The following UNC13C variants were observed in gnomAD, a reference collection of about 807,000 sequenced individuals.
UNC13C encodes the protein unc-13 homolog C, also known as protein unc-13 homolog C.
UNC13C carries 174 observed loss-of-function variants against 245.4 expected under a neutral mutation model. The observed-to-expected ratio is 0.71, with a 90% CI of 0.63 to 0.80. The LOEUF (loss-of-function observed/expected upper bound fraction) is 0.80. Among genes scored for constraint, UNC13C ranks in the 30% least tolerant of loss-of-function variants. UNC13C has a pLI of 0.00. For missense variants in UNC13C, 2,829 were observed against 2,602.9 expected (o/e 1.09, Z -1.89); for synonymous variants, 992 against 895.1 (o/e 1.11, Z -1.93).
intron 27 of UNC13C, among the ~76,000 whole-genome samples, chr15:54,548,771 A>G (rs12916626): frequency 0.33 from 50,663 of 151,970 alleles, 9,397 homozygotes; most frequent in East Asian, 0.52. Flanking sequence ...ATCACCTAAA[A>G]TTTCTCTAGC....
At chr15:54,421,206 G>A (rs1160670962) in intron 19 of UNC13C, among the ~76,000 whole-genome samples, 1 of 151,704 alleles carries the variant, frequency 6.6e-6, no homozygotes, top group Non-Finnish European at 1.5e-5. Flanking sequence ...GGTGATTCTA[G>A]TATGTATTCA....
chr15:54,444,401 G>T (rs1264805921), intron 19 of UNC13C, among the ~76,000 whole-genome samples: 3 of 150,850 alleles, frequency 2.0e-5, no homozygotes, highest in Non-Finnish European at 3.0e-5. Flanking sequence ...CCTTTACTTT[G>T]AGTCTATATA....
At chr15:53,892,071 G>A in the UNC13C span, among the ~76,000 whole-genome samples, 1 of 152,128 alleles carries the variant, frequency 6.6e-6, no homozygotes, top group African/African-American at 2.4e-5. Flanking sequence ...CCACCACCAG[G>A]TGGTGACAAA....
At chr15:54,097,757 G>A (rs2141148481) in intron 2 of UNC13C, among the ~76,000 whole-genome samples, 1 of 152,294 alleles carries the variant, frequency 6.6e-6, no homozygotes, top group African/African-American at 2.4e-5. Flanking sequence ...GGTTAACTGT[G>A]TGTAGTTATG....
At chr15:54,578,675 A>G (rs868650307) in intron 30 of UNC13C, among the ~76,000 whole-genome samples, 7 of 152,222 alleles carry the variant, frequency 4.6e-5, no homozygotes, top group Non-Finnish European at 8.8e-5. Flanking sequence ...TCGTCACTTG[A>G]GTCTCAGAAC....
chr15:54,462,618 C>T (rs1016735932), intron 19 of UNC13C, among the ~76,000 whole-genome samples: 4 of 152,336 alleles, frequency 2.6e-5, no homozygotes, highest in South Asian at 2.1e-4. Context: ...GCGGAGGGGG[C>T]GCCGGGTCCC....
chr15:53,969,266 C>T, the UNC13C span, among the ~76,000 whole-genome samples: 1 of 152,198 alleles, frequency 6.6e-6, no homozygotes, highest in Non-Finnish European at 1.5e-5. Flanking sequence ...AAAGATGAAA[C>T]ACCACAGGGC....
At chr15:53,850,978 C>T in the UNC13C span, among the ~76,000 whole-genome samples, 8 of 149,984 alleles carry the variant, frequency 5.3e-5, no homozygotes, top group African/African-American at 1.7e-4. Context: ...TAATTTTATT[C>T]TGTGATGTTT....
chr15:54,098,470 C>T (rs1897010), intron 2 of UNC13C, among the ~76,000 whole-genome samples: 35,217 of 152,094 alleles, frequency 0.23, 4,427 homozygotes, highest in African/African-American at 0.33. Flanking sequence ...CTACCCTATC[C>T]GGCCCCTCCA....
At chr15:54,573,201 C>T (rs1897830624) in intron 30 of UNC13C, among the ~76,000 whole-genome samples, 1 of 152,102 alleles carries the variant, frequency 6.6e-6, no homozygotes. Context: ...TCCTTCTTCA[C>T]CTCTTTCTTG....
intron 2 of UNC13C, among the ~76,000 whole-genome samples, chr15:54,112,529 A>G (rs1409237740): frequency 6.6e-6 from 1 of 152,142 alleles, no homozygotes; most frequent in African/African-American, 2.4e-5. Context: ...TACTGTACAC[A>G]TGGTTGATAA....
At chr15:54,471,808 A>G (rs987631770) in intron 19 of UNC13C, among the ~76,000 whole-genome samples, 1 of 151,620 alleles carries the variant, frequency 6.6e-6, no homozygotes, top group Non-Finnish European at 1.5e-5. Context: ...TTGATTTTCT[A>G]TTTGGATTAT....
upstream of UNC13C, among the ~76,000 whole-genome samples, chr15:53,975,838 ATCT>A: frequency 6.6e-6 from 1 of 152,328 alleles, no homozygotes; most frequent in South Asian, 2.1e-4. Context: ...AGGAGAAATG[ATCT>A]TATTATTTAA....
At chr15:54,248,107 T>G (rs1294795017) in intron 7 of UNC13C, among the ~76,000 whole-genome samples, 1 of 152,212 alleles carries the variant, frequency 6.6e-6, no homozygotes, top group African/African-American at 2.4e-5. Flanking sequence ...CTCTACTTTC[T>G]AAATTTATGT....
intron 1 of UNC13C, among the ~76,000 whole-genome samples, chr15:54,008,927 G>A (rs535908965): frequency 1.4e-4 from 22 of 152,234 alleles, no homozygotes; most frequent in Non-Finnish European, 3.1e-4. Context: ...GCATAATAAT[G>A]CCTTTTTTAA....
intron 10 of UNC13C, among the ~76,000 whole-genome samples, chr15:54,277,934 G>T (rs2036876054): frequency 6.6e-6 from 1 of 152,126 alleles, no homozygotes; most frequent in Non-Finnish European, 1.5e-5. Flanking sequence ...GATTTTGGAG[G>T]CTACTCTACA....
At chr15:54,530,224 C>T (rs1181494435) in intron 25 of UNC13C, among the ~76,000 whole-genome samples, 2 of 152,090 alleles carry the variant, frequency 1.3e-5, no homozygotes, top group African/African-American at 4.8e-5. Flanking sequence ...TATACATATC[C>T]ATTATAAAAT....
intron 19 of UNC13C, among the ~76,000 whole-genome samples, chr15:54,444,597 C>G (rs1256193483): frequency 6.6e-6 from 1 of 151,544 alleles, no homozygotes; most frequent in East Asian, 1.9e-4. Flanking sequence ...ATTTGTATAT[C>G]CTTTGTTTCA....
chr15:54,345,140 G>A (rs1248745962), intron 17 of UNC13C, among the ~76,000 whole-genome samples: 3 of 152,198 alleles, frequency 2.0e-5, no homozygotes, highest in African/African-American at 7.2e-5. Flanking sequence ...AGCCAATGAA[G>A]AGTTGATGTG....
Sources: gnomAD v4.1 joint callset for allele counts (sites outside exome capture counted in the v4.1 genomes callset) on GRCh38, gnomAD v4.1.1 for gene constraint, MANE v1.5 for transcripts, NCBI Gene and HGNC (gene_info 2026-07-23, HGNC 2026-07-21) for gene names.